Variants in STK32A observed in about 807,000 individuals in gnomAD.
STK32A encodes the protein serine/threonine kinase 32A.
STK32A carries 41 observed loss-of-function variants against 53.2 expected under a neutral mutation model. That is an observed-to-expected ratio of 0.77 (90% confidence interval 0.60 to 1.00). The LOEUF is 1.00. STK32A is among the 50% of genes least tolerant of loss of function. STK32A has a pLI of 0.00. For missense variants in STK32A, 458 were observed against 485.8 expected, an observed-to-expected ratio of 0.94 and a Z score of 0.54; for synonymous variants, 166 against 162.8, an observed-to-expected ratio of 1.02 and a Z score of -0.15.
At chr5:147,279,173 T>G in intron 3 of STK32A, 74 bp from the exon 4 acceptor site, 2 of 1,373,116 alleles carry the variant, frequency 1.5e-6, no homozygotes, top group South Asian at 1.7e-5. Context: ...GCAAAGAACA[T>G]GTCTTGTTCT....
chr5:147,359,763 T>A (rs1484354832), intron 7 of STK32A, among the ~76,000 whole-genome samples: 1 of 152,158 alleles, frequency 6.6e-6, no homozygotes, highest in African/African-American at 2.4e-5. Context: ...GATGCAGTGA[T>A]TCATGAAAGG....
At chr5:147,273,380 A>G (rs987651) in intron 2 of STK32A, among the ~76,000 whole-genome samples, 24,643 of 152,180 alleles carry the variant, frequency 0.16, 2,404 homozygotes, top group East Asian at 0.51. Flanking sequence ...GAATAACATT[A>G]AGATGACTGC....
downstream of STK32A, among the ~76,000 whole-genome samples, chr5:147,388,474 T>C (rs1177451725): frequency 6.6e-6 from 1 of 152,220 alleles, no homozygotes; most frequent in Non-Finnish European, 1.5e-5. Flanking sequence ...TACCCTGTTG[T>C]CCAGGTCATG....
chr5:147,287,581 T>C (rs1752405626), intron 4 of STK32A, among the ~76,000 whole-genome samples: 1 of 152,166 alleles, frequency 6.6e-6, no homozygotes, highest in Non-Finnish European at 1.5e-5. Flanking sequence ...GACTTGGAAA[T>C]AGGTCTATTA....
intron 5 of STK32A, among the ~76,000 whole-genome samples, chr5:147,331,083 A>G (rs1754847781): frequency 6.6e-6 from 1 of 152,206 alleles, no homozygotes; most frequent in Non-Finnish European, 1.5e-5. Flanking sequence ...ATTGAGTGAC[A>G]GGTGAGCTCC....
chr5:147,374,587 T>G (rs1757150805), intron 10 of STK32A, among the ~76,000 whole-genome samples: 2 of 152,132 alleles, frequency 1.3e-5, no homozygotes. Context: ...CCTCCTTCTA[T>G]GTGTTGCGTC....
chr5:147,343,243 A>G, intron 6 of STK32A, 200 bp downstream of exon 6: 1 of 751,722 alleles, frequency 1.3e-6, no homozygotes, highest in Non-Finnish European at 2.4e-6. Flanking sequence ...CTTAAATCAC[A>G]TTGAATTTAC....
chr5:147,289,336 A>T (rs2151960083), intron 4 of STK32A, among the ~76,000 whole-genome samples: 1 of 152,330 alleles, frequency 6.6e-6, no homozygotes. Context: ...TAACAGCAAT[A>T]CTTTTAAAAT....
chr5:147,311,243 T>C (rs570391429), intron 4 of STK32A, among the ~76,000 whole-genome samples: 214 of 152,338 alleles, frequency 1.4e-3, no homozygotes, highest in Middle Eastern at 3.4e-3. Context: ...CCATATTCTA[T>C]AACTACATAT....
the STK32A span, chr5:147,393,670 G>T: frequency 4.9e-6 from 1 of 202,098 alleles, no homozygotes; most frequent in Non-Finnish European, 1.0e-5. Context: ...AATAACCTGC[G>T]TCCCTTTTGT....
intron 7 of STK32A, among the ~76,000 whole-genome samples, chr5:147,355,758 A>ATATATG (rs1756199794): frequency 6.9e-6 from 1 of 144,216 alleles, no homozygotes; most frequent in East Asian, 2.1e-4. Context: ...ATGTATGTGT[A>ATATATG]TATATGTATA....
chr5:147,260,295 G>GTCTCTCTCTCTC lies in STK32A; in HGVS notation c.53-17817_53-17806dup, dbSNP rs71001423. Among the ~76,000 whole-genome samples the GTCTCTCTCTCTC allele has an allele frequency of 7.7e-3, 902 of 117,258 alleles. 24 individuals are homozygous for GTCTCTCTCTCTC. Among genetic ancestry groups the GTCTCTCTCTCTC allele is most frequent in the African/African-American group, 0.028 (870 of 30,788 alleles). 76.9% of individuals were successfully genotyped at this position (117,258 alleles called of 152,430 possible). A position where few individuals can be genotyped will look rare whatever the true frequency, so the allele number is the denominator to read the frequency against. On this transcript the variant is annotated intron_variant, in intron 2 of 12. Transcript: ENST00000397936. ...CCCTCTCTGTCTCTCTCTCTCGCCT[G>GTCTCTCTCTCTC]TCTCTCTCTCTCTCTCTCTCTCTTC...
intron 4 of STK32A, among the ~76,000 whole-genome samples, chr5:147,304,889 C>A (rs2151967884): frequency 6.6e-6 from 1 of 152,144 alleles, no homozygotes; most frequent in South Asian, 2.1e-4. Context: ...GCAGGAGGAT[C>A]ACTTGAGGTC....
At chr5:147,398,584 A>G in the STK32A span, among the ~76,000 whole-genome samples, 1 of 152,196 alleles carries the variant, frequency 6.6e-6, no homozygotes, top group African/African-American at 2.4e-5. Flanking sequence ...CTGCACTTTA[A>G]TTATCATCCT....
chr5:147,262,516 C>T (rs1754623779), intron 2 of STK32A, among the ~76,000 whole-genome samples: 1 of 151,780 alleles, frequency 6.6e-6, no homozygotes, highest in Non-Finnish European at 1.5e-5. Flanking sequence ...TTAATATATG[C>T]TATCTCATTT....
intron 6 of STK32A, among the ~76,000 whole-genome samples, chr5:147,346,858 A>G (rs1325367323): frequency 6.6e-6 from 1 of 152,196 alleles, no homozygotes; most frequent in Non-Finnish European, 1.5e-5. Flanking sequence ...GTTTCTTAAT[A>G]CCATCCTGTT....
chr5:147,339,850 G>A (rs1332059843), intron 5 of STK32A, among the ~76,000 whole-genome samples: 2 of 151,082 alleles, frequency 1.3e-5, no homozygotes, highest in Admixed American at 1.3e-4. Flanking sequence ...CCCACTGCCT[G>A]TAACCCCATT....
At chr5:147,395,452 G>A in the STK32A span, 2 of 1,383,788 alleles carry the variant, frequency 1.4e-6, no homozygotes, top group South Asian at 1.3e-5. Context: ...CCAGTGCTAG[G>A]CTGGAAAACT....
downstream of STK32A, among the ~76,000 whole-genome samples, chr5:147,388,188 C>G (rs1044481376): frequency 6.6e-6 from 1 of 152,172 alleles, no homozygotes; most frequent in Non-Finnish European, 1.5e-5. Context: ...TTCTTTAGCA[C>G]TCTGCCTTCC....
Sources: allele counts gnomAD v4.1 joint callset (sites outside exome capture counted in the v4.1 genomes callset), GRCh38; gene constraint gnomAD v4.1.1; transcripts MANE v1.5; gene names NCBI Gene and HGNC (gene_info 2026-07-23, HGNC 2026-07-21).